CHLSN: variants seen among roughly 807,000 people sequenced by gnomAD.
CHLSN encodes the protein protein cholesin.
the CHLSN span, among the ~76,000 whole-genome samples, chr7:1,127,847 CT>C: frequency 4.6e-5 from 4 of 86,156 alleles, no homozygotes; most frequent in East Asian, 5.6e-4. Flanking sequence ...ACAATCTCGG[CT>C]CATCCCACCG....
the CHLSN span, among the ~76,000 whole-genome samples, chr7:1,005,480 G>T: frequency 6.6e-6 from 1 of 152,260 alleles, no homozygotes; most frequent in Non-Finnish European, 1.5e-5. Context: ...GAAGGCCCGA[G>T]CGGGGCTGGC....
the CHLSN span, among the ~76,000 whole-genome samples, chr7:1,050,871 AG>A: frequency 6.6e-6 from 1 of 152,170 alleles, no homozygotes; most frequent in Non-Finnish European, 1.5e-5. Context: ...CTTGACGCGC[AG>A]GGGGTCTCGG....
chr7:1,020,236 C>T, the CHLSN span, among the ~76,000 whole-genome samples: 5 of 152,208 alleles, frequency 3.3e-5, no homozygotes, highest in African/African-American at 1.2e-4. Context: ...GTCCTGTGAA[C>T]ACGCGCTGCA....
chr7:1,127,087 C>T, the CHLSN span, among the ~76,000 whole-genome samples: 1 of 152,194 alleles, frequency 6.6e-6, no homozygotes, highest in Non-Finnish European at 1.5e-5. Flanking sequence ...TACTAAAATC[C>T]TTCTTTGTCC....
the CHLSN span, chr7:997,790 G>C: frequency 1.2e-6 from 2 of 1,605,676 alleles, no homozygotes; most frequent in Non-Finnish European, 1.7e-6. Context: ...GGGTGGAGAA[G>C]TGCTCATCGG....
chr7:1,037,096 G>C, the CHLSN span, among the ~76,000 whole-genome samples: 1 of 147,534 alleles, frequency 6.8e-6, no homozygotes, highest in Non-Finnish European at 1.5e-5. Flanking sequence ...GGGTGACAGA[G>C]TGAGACCCTG....
chr7:1,008,505 C>T, the CHLSN span, among the ~76,000 whole-genome samples: 3 of 152,282 alleles, frequency 2.0e-5, no homozygotes, highest in Non-Finnish European at 4.4e-5. Context: ...AGCTAAGCCT[C>T]CCAGAGAACT....
chr7:1,006,727 G>A, the CHLSN span, among the ~76,000 whole-genome samples: 23 of 149,664 alleles, frequency 1.5e-4, no homozygotes, highest in Admixed American at 2.7e-4. Flanking sequence ...CGGTCACAGC[G>A]CAGACAAAGA....
the CHLSN span, among the ~76,000 whole-genome samples, chr7:1,013,606 G>A: frequency 1.4e-4 from 22 of 152,360 alleles, no homozygotes; most frequent in African/African-American, 4.3e-4. Flanking sequence ...TGTTGTGGGC[G>A]GCTTTGAGCC....
At chr7:1,102,170 C>A in the CHLSN span, among the ~76,000 whole-genome samples, 2 of 152,196 alleles carry the variant, frequency 1.3e-5, no homozygotes, top group African/African-American at 4.8e-5. Context: ...GAAAAACACA[C>A]AAAAAAACGG....
At chr7:1,055,545 C>A in the CHLSN span, 1 of 426,792 alleles carries the variant, frequency 2.3e-6, no homozygotes, top group Non-Finnish European at 4.7e-6. Flanking sequence ...GCAGTACAGG[C>A]AGGAGAGGGG....
chr7:1,120,281 CA>C, the CHLSN span, among the ~76,000 whole-genome samples: 1 of 152,268 alleles, frequency 6.6e-6, no homozygotes, highest in South Asian at 2.1e-4. Context: ...CCAGGACCCT[CA>C]TGCTTCTTTT....
chr7:1,008,867 ACGTGTACGCAACACT>A, the CHLSN span, among the ~76,000 whole-genome samples: 3 of 149,352 alleles, frequency 2.0e-5, no homozygotes, highest in Non-Finnish European at 4.4e-5. Context: ...ACACGCACAC[ACGTGTACGCAACACT>A]CGTATACACA....
the CHLSN span, chr7:1,057,822 G>A: frequency 3.0e-5 from 23 of 777,260 alleles, no homozygotes; most frequent in South Asian, 5.4e-5. Flanking sequence ...CGAAGTCCAC[G>A]TGGCACTGCA....
At chr7:1,090,350 G>C in the CHLSN span, among the ~76,000 whole-genome samples, 2 of 152,236 alleles carry the variant, frequency 1.3e-5, no homozygotes, top group African/African-American at 4.8e-5. Flanking sequence ...CCGCTGCATA[G>C]AGAACTTCCA....
the CHLSN span, among the ~76,000 whole-genome samples, chr7:1,004,503 T>G: frequency 2.6e-5 from 4 of 152,050 alleles, no homozygotes; most frequent in Admixed American, 1.3e-4. Context: ...CCTACGGCCC[T>G]GAACCAAGGG....
chr7:1,111,059 G>A, the CHLSN span, among the ~76,000 whole-genome samples: 3 of 152,214 alleles, frequency 2.0e-5, no homozygotes, highest in African/African-American at 7.2e-5. Flanking sequence ...CTGGGCGACA[G>A]AGCGAGACTC....
the CHLSN span, among the ~76,000 whole-genome samples, chr7:1,036,262 C>T: frequency 3.3e-5 from 5 of 152,146 alleles, no homozygotes; most frequent in East Asian, 1.9e-4. Context: ...CTGCGGACTT[C>T]GGGCGGTTGT....
the CHLSN span, among the ~76,000 whole-genome samples, chr7:1,038,105 G>T: frequency 8.1e-6 from 1 of 122,774 alleles, no homozygotes; most frequent in Non-Finnish European, 1.8e-5. Context: ...ACCCCATCTG[G>T]GAAGTGAGGA....
Sources: gnomAD v4.1 joint callset for allele counts (sites outside exome capture counted in the v4.1 genomes callset) on GRCh38, gnomAD v4.1.1 for gene constraint, MANE v1.5 for transcripts, NCBI Gene and HGNC (gene_info 2026-07-23, HGNC 2026-07-21) for gene names.